RALGPS2: variants seen among roughly 807,000 people sequenced by gnomAD.
The protein encoded by RALGPS2 is ras-specific guanine nucleotide-releasing factor RalGPS2.
RALGPS2 carries 43 observed loss-of-function variants against 86.8 expected under a neutral mutation model. The ratio of observed to expected loss-of-function variants is 0.50; its 90% CI spans 0.39 to 0.64. RALGPS2 has a LOEUF of 0.64. RALGPS2 is among the 30% of genes least tolerant of loss of function. The pLI is 0.00. For missense variants in RALGPS2, 536 were observed against 694.6 expected (o/e 0.77, Z 2.57); for synonymous variants, 243 against 231.3 (o/e 1.05, Z -0.46).
chr1:178,859,203 A>C (rs1558154584), intron 8 of RALGPS2, among the ~76,000 whole-genome samples: 1 of 152,152 alleles, frequency 6.6e-6, no homozygotes, highest in Non-Finnish European at 1.5e-5. Context: ...GTCATTTTCC[A>C]ACAGCACCTT....
At chr1:178,875,886 G>A (rs1572440212) in intron 8 of RALGPS2, among the ~76,000 whole-genome samples, 1 of 152,182 alleles carries the variant, frequency 6.6e-6, no homozygotes, top group African/African-American at 2.4e-5. Context: ...TGAGATTTCG[G>A]AAGAAGAGAG....
intron 8 of RALGPS2, among the ~76,000 whole-genome samples, chr1:178,870,255 A>G (rs1472045572): frequency 6.6e-6 from 1 of 152,142 alleles, no homozygotes. Flanking sequence ...ACTTTCAACT[A>G]TTTTTGTATC....
intron 11 of RALGPS2, among the ~76,000 whole-genome samples, chr1:178,884,678 C>G (rs940176270): frequency 3.9e-5 from 6 of 151,930 alleles, no homozygotes; most frequent in Non-Finnish European, 8.8e-5. Context: ...TTTGACCTAC[C>G]CTACACATTC....
chr1:178,891,147 T>C (rs900060591), intron 14 of RALGPS2, among the ~76,000 whole-genome samples: 14 of 152,100 alleles, frequency 9.2e-5, no homozygotes, highest in Admixed American at 2.0e-4. Flanking sequence ...CCTTCACGTC[T>C]CAAAACAATT....
chr1:178,729,282 T>A (rs897652857), intron 1 of RALGPS2, among the ~76,000 whole-genome samples: 1 of 152,200 alleles, frequency 6.6e-6, no homozygotes, highest in African/African-American at 2.4e-5. Flanking sequence ...TTTATTTATT[T>A]TTACATCATT....
At chr1:178,766,898 CTT>C (rs771131185) in intron 1 of RALGPS2, among the ~76,000 whole-genome samples, 5 of 152,182 alleles carry the variant, frequency 3.3e-5, no homozygotes, top group Non-Finnish European at 5.9e-5. Context: ...GAGTTGGTCT[CTT>C]TACATAATCA....
chr1:178,851,369 C>G (rs771997369), intron 8 of RALGPS2: 69 of 1,463,596 alleles, frequency 4.7e-5, no homozygotes, highest in Non-Finnish European at 5.2e-5. Flanking sequence ...AGGTGTGGTA[C>G]TCTGCAATCA....
At chr1:178,774,091 T>C (rs1483365024) in intron 1 of RALGPS2, among the ~76,000 whole-genome samples, 2 of 151,974 alleles carry the variant, frequency 1.3e-5, no homozygotes, top group African/African-American at 4.8e-5. Context: ...CTGACCAACA[T>C]GGTGAAACCC....
At chr1:178,856,950 A>C (rs983954913) in intron 8 of RALGPS2, among the ~76,000 whole-genome samples, 1 of 152,184 alleles carries the variant, frequency 6.6e-6, no homozygotes, top group Non-Finnish European at 1.5e-5. Flanking sequence ...CTTGGAAAAA[A>C]TCCCATGTAA....
In RALGPS2 at chr1:178,775,084, A is replaced by G. The variant is rs79784548; in HGVS notation, c.-83-1598A>G. ...TAAGCTTTATGGGAATTAAGCAGAT[A>G]GTAACATCTGCATCATCATTACATC... On this transcript the variant is annotated intron_variant, in intron 1 of 19. Coordinates refer to ENST00000367635, the MANE Select transcript of RALGPS2 (RefSeq NM_152663.5). Among the ~76,000 whole-genome samples, 650 of 152,316 alleles carry G rather than the reference A, an allele frequency of 4.3e-3. 5 individuals are homozygous for G. Among genetic ancestry groups the G allele is most frequent in the African/African-American group, 0.015 (636 of 41,580 alleles).
At chr1:178,768,721 A>G (rs1652636135) in intron 1 of RALGPS2, among the ~76,000 whole-genome samples, 1 of 152,178 alleles carries the variant, frequency 6.6e-6, no homozygotes, top group Non-Finnish European at 1.5e-5. Context: ...AGGTCCACCT[A>G]CGGGTCCCCC....
chr1:178,835,208 T>C (rs76802289), intron 8 of RALGPS2, among the ~76,000 whole-genome samples: 3,732 of 152,284 alleles, frequency 0.025, 148 homozygotes, highest in African/African-American at 0.085. Flanking sequence ...TTTTATAGTA[T>C]GAAGAACATT....
rs1370261750 is a variant in RALGPS2 at position 178,822,725 on chromosome 1, T to A, written c.480+1021T>A. ...AAAATTCTTTTTAATAATTATGGCCTTATTGTCTTTTCTTAAAATTTGAAT... is the reference window on the plus strand; with the variant it reads ...AAAATTCTTTTTAATAATTATGGCCATATTGTCTTTTCTTAAAATTTGAAT... On this transcript the variant is annotated intron_variant, in intron 7 of 19. Transcript: ENST00000367635. Among the ~76,000 whole-genome samples the A allele has an allele frequency of 2.0e-5, 3 of 152,148 alleles. No homozygotes were observed. The East Asian group carries it at 5.8e-4, about 29-fold the overall frequency.
intron 2 of RALGPS2, among the ~76,000 whole-genome samples, chr1:178,777,307 A>T (rs558460889): frequency 7.9e-5 from 12 of 152,268 alleles, no homozygotes; most frequent in African/African-American, 2.9e-4. Context: ...TTCAAAGAGA[A>T]TAAAATACAC....
chr1:178,831,303 G>A lies in RALGPS2; in HGVS notation c.481-2121G>A, dbSNP rs78486699. Among the ~76,000 whole-genome samples the A allele has an allele frequency of 3.3e-5, 5 of 152,264 alleles. No homozygotes were observed. In the East Asian group the frequency reaches 7.7e-4, roughly 24 times the overall value. On this transcript the variant is annotated intron_variant, in intron 7 of 19. Coordinates refer to ENST00000367635, the MANE Select transcript of RALGPS2 (RefSeq NM_152663.5). ...AAAGATTATAATTAATCTGCACCCC[G>A]GGTCTAAGATAAAGTATTCATTTAT...
intron 1 of RALGPS2, among the ~76,000 whole-genome samples, chr1:178,742,723 A>G (rs777893635): frequency 1.8e-4 from 27 of 152,254 alleles, no homozygotes; most frequent in Non-Finnish European, 7.3e-5. Context: ...AAAAGTCTCA[A>G]TAATTTAAAA....
At chr1:178,745,185 A>T (rs970878225) in intron 1 of RALGPS2, among the ~76,000 whole-genome samples, 2 of 152,220 alleles carry the variant, frequency 1.3e-5, no homozygotes, top group Middle Eastern at 3.2e-3. Context: ...GAAGACAATT[A>T]TCCCTAAATT....
intron 8 of RALGPS2, chr1:178,853,620 A>G (rs1320656771): frequency 6.3e-7 from 1 of 1,599,208 alleles, no homozygotes; most frequent in South Asian, 1.1e-5. Context: ...TTTCTGAAGA[A>G]GTTGACAGAG....
At chr1:178,775,838 G>A (rs1431598866) in intron 1 of RALGPS2, among the ~76,000 whole-genome samples, 2 of 150,580 alleles carry the variant, frequency 1.3e-5, no homozygotes, top group African/African-American at 2.4e-5. Flanking sequence ...TAAACATAGT[G>A]TATATTATGG....
Sources: allele counts gnomAD v4.1 joint callset (sites outside exome capture counted in the v4.1 genomes callset), GRCh38; gene constraint gnomAD v4.1.1; transcripts MANE v1.5; gene names NCBI Gene and HGNC (gene_info 2026-07-23, HGNC 2026-07-21).